MAF: variants seen among roughly 807,000 people sequenced by gnomAD.
The protein encoded by MAF is MAF bZIP transcription factor.
A neutral mutation model predicts 22.0 loss-of-function variants in MAF; 10 were observed. The observed-to-expected ratio is 0.45, with a 90% CI of 0.28 to 0.77. MAF has a LOEUF of 0.77. Ranked by LOEUF, MAF falls within the 30% of genes least tolerant of loss-of-function variation. The probability of loss-of-function intolerance (pLI) is 0.12; values close to 1 mark genes in which losing one functional copy is unlikely to be tolerated. For synonymous variants in MAF, 337 were observed against 255.8 expected (o/e 1.32, Z -3.03); for missense variants, 544 against 548.4 (o/e 0.99, Z 0.08).
chr16:79,409,802 C>A, the MAF span, among the ~76,000 whole-genome samples: 3 of 152,210 alleles, frequency 2.0e-5, no homozygotes, highest in African/African-American at 7.2e-5. Context: ...TTCAGTGGAT[C>A]TTCCTGCTAA....
At chr16:79,591,233 G>T (rs1010945428), downstream of MAF, among the ~76,000 whole-genome samples, 2 of 152,142 alleles carry the variant, frequency 1.3e-5, no homozygotes, top group Admixed American at 6.5e-5. Context: ...TTCAGAATGC[G>T]AATCACTGGT....
chr16:79,411,211 G>A, the MAF span, among the ~76,000 whole-genome samples: 1 of 151,224 alleles, frequency 6.6e-6, no homozygotes, highest in African/African-American at 2.4e-5. Flanking sequence ...CGAAACCTTG[G>A]TGGCTGGGAC....
At chr16:79,255,818 G>A in the MAF span, among the ~76,000 whole-genome samples, 126 of 150,616 alleles carry the variant, frequency 8.4e-4, no homozygotes, top group Middle Eastern at 0.014. Flanking sequence ...ATCTGTGAGT[G>A]GGGATATTAA....
At chr16:79,536,968 T>G in the MAF span, among the ~76,000 whole-genome samples, 1 of 152,144 alleles carries the variant, frequency 6.6e-6, no homozygotes, top group African/African-American at 2.4e-5. Flanking sequence ...CATGATAGTG[T>G]CAGTAGAGAG....
the MAF span, among the ~76,000 whole-genome samples, chr16:79,215,657 G>A: frequency 6.6e-6 from 1 of 152,148 alleles, no homozygotes; most frequent in African/African-American, 2.4e-5. Context: ...AAGGGTAGCT[G>A]AGGATTCTCC....
the MAF span, among the ~76,000 whole-genome samples, chr16:79,390,668 C>T: frequency 6.6e-6 from 1 of 152,248 alleles, no homozygotes; most frequent in South Asian, 2.1e-4. Context: ...GAATTCTTGC[C>T]ATGGAGCTGC....
chr16:79,296,437 G>A, the MAF span, among the ~76,000 whole-genome samples: 2 of 152,074 alleles, frequency 1.3e-5, no homozygotes, highest in African/African-American at 4.8e-5. Context: ...CCTAGGTGAT[G>A]GATTGATAAG....
chr16:79,574,442 G>T, the MAF span, among the ~76,000 whole-genome samples: 3 of 152,126 alleles, frequency 2.0e-5, no homozygotes, highest in Non-Finnish European at 4.4e-5. Flanking sequence ...TTTCTCTGCA[G>T]AATGTTTTTA....
At chr16:79,361,253 T>A in the MAF span, among the ~76,000 whole-genome samples, 2 of 152,180 alleles carry the variant, frequency 1.3e-5, no homozygotes, top group South Asian at 2.1e-4. Flanking sequence ...TCCACATGGG[T>A]TGTCATTTAA....
chr16:79,373,124 G>A, the MAF span, among the ~76,000 whole-genome samples: 47 of 152,182 alleles, frequency 3.1e-4, no homozygotes, highest in African/African-American at 1.1e-3. Flanking sequence ...CTCTGTAAGG[G>A]GAGGGTTTAC....
At chr16:79,592,520 A>C (rs1326931628), downstream of MAF, among the ~76,000 whole-genome samples, 1 of 152,234 alleles carries the variant, frequency 6.6e-6, no homozygotes, top group Admixed American at 6.5e-5. Flanking sequence ...CTTTTAAGCA[A>C]ATGCTTCAAA....
chr16:79,528,289 G>C, the MAF span, among the ~76,000 whole-genome samples: 1 of 152,132 alleles, frequency 6.6e-6, no homozygotes, highest in Admixed American at 6.5e-5. Context: ...GGCAGTCCCA[G>C]TAGCAATGGT....
At chr16:79,499,330 C>G in the MAF span, among the ~76,000 whole-genome samples, 1 of 152,154 alleles carries the variant, frequency 6.6e-6, no homozygotes, top group Non-Finnish European at 1.5e-5. Flanking sequence ...ACACAGTCAT[C>G]TCATGGCAAG....
At chr16:79,294,882 C>T in the MAF span, among the ~76,000 whole-genome samples, 1 of 152,180 alleles carries the variant, frequency 6.6e-6, no homozygotes, top group African/African-American at 2.4e-5. Context: ...CTGAACTGCT[C>T]AGCTGGCATT....
At chr16:79,593,092 A>G (rs1913278644), downstream of MAF, among the ~76,000 whole-genome samples, 2 of 152,212 alleles carry the variant, frequency 1.3e-5, no homozygotes, top group Non-Finnish European at 2.9e-5. Context: ...AAAAAAACAA[A>G]CAAACAAAAA....
the MAF span, among the ~76,000 whole-genome samples, chr16:79,541,744 C>A: frequency 2.7e-5 from 4 of 150,832 alleles, no homozygotes; most frequent in Admixed American, 2.6e-4. Flanking sequence ...GCAACCTCCA[C>A]CTCCGGGTTC....
At chr16:79,365,855 A>C in the MAF span, among the ~76,000 whole-genome samples, 1 of 152,222 alleles carries the variant, frequency 6.6e-6, no homozygotes, top group Non-Finnish European at 1.5e-5. Flanking sequence ...GAAGAATGTT[A>C]AGACAATGTG....
the MAF span, among the ~76,000 whole-genome samples, chr16:79,307,854 A>C: frequency 6.6e-6 from 1 of 152,210 alleles, no homozygotes; most frequent in Non-Finnish European, 1.5e-5. Flanking sequence ...AAGAGACTGA[A>C]TTTTATAGAA....
At chr16:79,321,574 G>A in the MAF span, among the ~76,000 whole-genome samples, 1 of 151,886 alleles carries the variant, frequency 6.6e-6, no homozygotes, top group Non-Finnish European at 1.5e-5. Flanking sequence ...AGAGGGAAAG[G>A]CATCACCAGA....
Sources: gnomAD v4.1 joint callset for allele counts (sites outside exome capture counted in the v4.1 genomes callset) on GRCh38, gnomAD v4.1.1 for gene constraint, MANE v1.5 for transcripts, NCBI Gene and HGNC (gene_info 2026-07-23, HGNC 2026-07-21) for gene names.